VAMP7: variants seen among roughly 807,000 people sequenced by gnomAD.
The protein encoded by VAMP7 is vesicle associated membrane protein 7, also known as vesicle-associated membrane protein 7.
A neutral mutation model predicts 29.6 loss-of-function variants in VAMP7; 14 were observed. The ratio of observed to expected loss-of-function variants is 0.47; its 90% CI spans 0.31 to 0.74. VAMP7 has a LOEUF of 0.74. VAMP7 is among the 30% of genes least tolerant of loss of function. VAMP7 has a pLI of 0.05. For missense variants in VAMP7, 223 were observed against 262.4 expected, an observed-to-expected ratio of 0.85 and a Z score of 1.04; for synonymous variants, 95 against 88.1, an observed-to-expected ratio of 1.08 and a Z score of -0.44.
At chrX:155,908,961 A>G in intron 5 of VAMP7, among the ~76,000 whole-genome samples, 1 of 152,104 alleles carries the variant, frequency 6.6e-6, no homozygotes, top group East Asian at 1.9e-4. Context: ...CTGGGACTGC[A>G]GGCATGTGCC....
intron 4 of VAMP7, among the ~76,000 whole-genome samples, chrX:155,898,602 T>C (rs2066018435): frequency 6.6e-6 from 1 of 152,050 alleles, no homozygotes; most frequent in Non-Finnish European, 1.5e-5. Context: ...AAATTTAATT[T>C]TCTAACAACC....
intron 6 of VAMP7, among the ~76,000 whole-genome samples, chrX:155,925,463 A>G (rs1333882691): frequency 6.6e-6 from 1 of 152,162 alleles, no homozygotes; most frequent in Non-Finnish European, 1.5e-5. Context: ...TAGAAAGTTT[A>G]TTTTGCCAAA....
chrX:155,899,711 A>G (rs2066035282), intron 4 of VAMP7, among the ~76,000 whole-genome samples: 1 of 152,076 alleles, frequency 6.6e-6, no homozygotes, highest in African/African-American at 2.4e-5. Flanking sequence ...AAATACCAGT[A>G]CTTAGTCAAA....
At chrX:155,909,450 T>C (rs747324795) in intron 5 of VAMP7, among the ~76,000 whole-genome samples, 1 of 152,288 alleles carries the variant, frequency 6.6e-6, no homozygotes, top group South Asian at 2.1e-4. Context: ...AGATTTTTTT[T>C]CTATAGTTTT....
chrX:155,909,778 A>C (rs1432716375), intron 5 of VAMP7, among the ~76,000 whole-genome samples: 1 of 152,202 alleles, frequency 6.6e-6, no homozygotes, highest in African/African-American at 2.4e-5. Flanking sequence ...CCCATCAGGC[A>C]AGGAAAAGAG....
At chrX:155,907,283 AT>A (rs973730674) in intron 5 of VAMP7, among the ~76,000 whole-genome samples, 4 of 149,812 alleles carry the variant, frequency 2.7e-5, no homozygotes, top group African/African-American at 4.9e-5. Flanking sequence ...TTATTTTATT[AT>A]TTTTTTTTAT....
rs899199817 is a variant in VAMP7 at position 155,898,309 on chromosome X, C to G, written c.342+60C>G. On this transcript the variant is annotated intron_variant, in intron 4 of 7. Coordinates refer to ENST00000286448, the MANE Select transcript of VAMP7 (RefSeq NM_005638.6). ...ATATCTTCTTCATTACCTTCAAACACTATGAATCTAGGGGGCCCTGACCTG... is the reference window on the plus strand; with the variant it reads ...ATATCTTCTTCATTACCTTCAAACAGTATGAATCTAGGGGGCCCTGACCTG... 5 of 1,582,662 alleles carry G rather than the reference C, an allele frequency of 3.2e-6. No homozygotes were observed. The African/African-American group carries it at 4.1e-5, about 13-fold the overall frequency.
At chrX:155,905,448 T>A (rs1456453015) in intron 5 of VAMP7, among the ~76,000 whole-genome samples, 2 of 152,166 alleles carry the variant, frequency 1.3e-5, no homozygotes, top group African/African-American at 4.8e-5. Flanking sequence ...TTCTTTAGTT[T>A]GTGCTTTGAA....
At chrX:155,927,890 C>A (rs2066494066) in intron 6 of VAMP7, among the ~76,000 whole-genome samples, 1 of 151,626 alleles carries the variant, frequency 6.6e-6, no homozygotes, top group African/African-American at 2.4e-5. Flanking sequence ...TCTTACCCCA[C>A]CTTTGGCTTT....
chrX:155,894,475 A>G (rs1445783274), intron 2 of VAMP7, among the ~76,000 whole-genome samples: 4 of 151,842 alleles, frequency 2.6e-5, no homozygotes, highest in Non-Finnish European at 4.4e-5. Context: ...TTGTCTGTCC[A>G]GATAATTCAC....
intron 6 of VAMP7, among the ~76,000 whole-genome samples, chrX:155,926,980 C>T (rs2066477157): frequency 6.6e-6 from 1 of 152,128 alleles, no homozygotes; most frequent in South Asian, 2.1e-4. Context: ...TATATAGGCA[C>T]AGTTTATGGC....
At chrX:155,913,945 A>C (rs2066274718) in intron 5 of VAMP7, among the ~76,000 whole-genome samples, 1 of 152,174 alleles carries the variant, frequency 6.6e-6, no homozygotes. Context: ...ATAGCATTGA[A>C]TCTATAAATT....
At chrX:155,897,902 C>A (rs1379706427) in intron 3 of VAMP7, among the ~76,000 whole-genome samples, 1 of 152,130 alleles carries the variant, frequency 6.6e-6, no homozygotes, top group Non-Finnish European at 1.5e-5. Flanking sequence ...TCATTCTCAG[C>A]TCTTTCATTT....
At chrX:155,901,660 T>G (rs2066064313) in intron 5 of VAMP7, among the ~76,000 whole-genome samples, 1 of 152,152 alleles carries the variant, frequency 6.6e-6, no homozygotes, top group Admixed American at 6.5e-5. Flanking sequence ...TTTCTTAGGT[T>G]TGTCAAAGAT....
At chrX:155,916,270 C>G (rs1045173283) in intron 5 of VAMP7, among the ~76,000 whole-genome samples, 5 of 152,084 alleles carry the variant, frequency 3.3e-5, no homozygotes, top group Admixed American at 3.3e-4. Flanking sequence ...AGATGGGTCT[C>G]CTGAATGCAG....
At chrX:155,936,740 G>C (rs2066663771) in intron 6 of VAMP7, among the ~76,000 whole-genome samples, 1 of 152,176 alleles carries the variant, frequency 6.6e-6, no homozygotes, top group African/African-American at 2.4e-5. Flanking sequence ...CGGTATCTCA[G>C]TTGGAAATGC....
At chrX:155,935,751 C>T (rs1162719710) in intron 6 of VAMP7, among the ~76,000 whole-genome samples, 2 of 152,150 alleles carry the variant, frequency 1.3e-5, no homozygotes, top group Admixed American at 1.3e-4. Context: ...TGAGGAGCTG[C>T]GTTCCTTTGG....
chrX:155,908,992 GT>G (rs1264685608), intron 5 of VAMP7, among the ~76,000 whole-genome samples: 1 of 151,764 alleles, frequency 6.6e-6, no homozygotes, highest in Non-Finnish European at 1.5e-5. Context: ...GCTAATTTTT[GT>G]TTTTTGGTTT....
intron 6 of VAMP7, among the ~76,000 whole-genome samples, chrX:155,934,149 TGTG>T (rs1200637944): frequency 6.6e-6 from 1 of 152,204 alleles, no homozygotes; most frequent in Non-Finnish European, 1.5e-5. Flanking sequence ...ATAAGTGCGA[TGTG>T]GTGCTGAGAA....
Sources: gnomAD v4.1 joint callset for allele counts (sites outside exome capture counted in the v4.1 genomes callset) on GRCh38, gnomAD v4.1.1 for gene constraint, MANE v1.5 for transcripts, NCBI Gene and HGNC (gene_info 2026-07-23, HGNC 2026-07-21) for gene names.